Variants in MTX2 observed in about 807,000 individuals in gnomAD.
The protein encoded by MTX2 is metaxin-2.
In MTX2, 35 loss-of-function variants were observed where a neutral mutation model predicts 42.3. That is an observed-to-expected ratio of 0.83 (90% confidence interval 0.63 to 1.10). The LOEUF is 1.10. MTX2 is among the 50% of genes least tolerant of loss of function. The pLI is 0.00. For synonymous variants in MTX2, 119 were observed against 100.9 expected, an observed-to-expected ratio of 1.18 and a Z score of -1.08; for missense variants, 307 against 304.1, an observed-to-expected ratio of 1.01 and a Z score of -0.07.
In MTX2 at chr2:176,277,912, A is replaced by T. The variant is rs143487098; in HGVS notation, c.40+8243A>T. On this transcript the variant is annotated intron_variant, in intron 1 of 9. Coordinates refer to ENST00000249442, the MANE Select transcript of MTX2 (RefSeq NM_006554.5). ...CCTTGAAGATACGAAGCTGAGATTG[A>T]ATGGTGCAGATGGTAAAGCAAAATA... Among the ~76,000 whole-genome samples, 54 of 152,162 alleles carry T rather than the reference A, an allele frequency of 3.5e-4. 2 individuals are homozygous for T. In the East Asian group the frequency reaches 0.01, roughly 29 times the overall value.
intron 4 of MTX2, 52 bp downstream of exon 4, chr2:176,323,516 T>C (rs1338384060): frequency 4.7e-6 from 7 of 1,497,328 alleles, no homozygotes; most frequent in South Asian, 3.5e-5. Flanking sequence ...GATAAAATTA[T>C]AGTGATAGTC....
At chr2:176,296,962 A>G (rs1350368371) in intron 2 of MTX2, 55 bp downstream of exon 2, 1 of 1,505,540 alleles carries the variant, frequency 6.6e-7, no homozygotes, top group Non-Finnish European at 9.2e-7. Flanking sequence ...TTTATTACGG[A>G]AAAATCCTCA....
intron 9 of MTX2, among the ~76,000 whole-genome samples, chr2:176,336,505 A>G (rs886693399): frequency 2.6e-5 from 4 of 152,146 alleles, no homozygotes; most frequent in Non-Finnish European, 5.9e-5. Flanking sequence ...ATCTATTAAA[A>G]CACTTAATAA....
chr2:176,292,080 C>T (rs1473070428), intron 1 of MTX2, among the ~76,000 whole-genome samples: 1 of 152,174 alleles, frequency 6.6e-6, no homozygotes, highest in Non-Finnish European at 1.5e-5. Context: ...CAGTAACTTG[C>T]ACTTTGACAG....
intron 9 of MTX2, among the ~76,000 whole-genome samples, chr2:176,334,928 A>C (rs563191584): frequency 6.6e-6 from 1 of 151,968 alleles, no homozygotes; most frequent in African/African-American, 2.4e-5. Flanking sequence ...ACACAAATTT[A>C]TTGCACAATT....
rs757616315 is a variant in MTX2 at position 176,323,474 on chromosome 2, T to G, written c.208+10T>G. ...TATATGTCTCCATCTGGTAAGTGTGTTTTTTTTTCTTCTCTGTTAATATTA... is the reference window on the plus strand; with the variant it reads ...TATATGTCTCCATCTGGTAAGTGTGGTTTTTTTTCTTCTCTGTTAATATTA... On this transcript the variant is annotated intron_variant, in intron 4 of 9. Coordinates refer to ENST00000249442, the MANE Select transcript of MTX2 (RefSeq NM_006554.5). The G allele has an allele frequency of 1.9e-6, 3 of 1,593,754 alleles. No homozygotes were observed. The highest frequency in any genetic ancestry group is 1.1e-5 in the South Asian group (1 of 89,642).
chr2:176,290,431 C>T (rs1489142461), intron 1 of MTX2, among the ~76,000 whole-genome samples: 1 of 151,990 alleles, frequency 6.6e-6, no homozygotes, highest in East Asian at 1.9e-4. Flanking sequence ...GCAAAAACTT[C>T]AAATAAGTAG....
At chr2:176,279,902 G>A (rs1260434075) in intron 1 of MTX2, among the ~76,000 whole-genome samples, 2 of 152,128 alleles carry the variant, frequency 1.3e-5, no homozygotes, top group Non-Finnish European at 2.9e-5. Context: ...ATTACAGAGT[G>A]CAGATTATAG....
At chr2:176,312,676 C>A (rs2105429456) in intron 3 of MTX2, among the ~76,000 whole-genome samples, 1 of 151,734 alleles carries the variant, frequency 6.6e-6, no homozygotes. Context: ...CCAGCCTGTC[C>A]AACATGGTGA....
At position 176,311,834 on chromosome 2, in the gene MTX2, AT is replaced by A. The variant is rs1396427848; in HGVS notation, c.136-11557del. Among the ~76,000 whole-genome samples, 7 of 152,322 alleles carry A rather than the reference AT, an allele frequency of 4.6e-5. No individual in the cohort carries two copies. In the East Asian group the frequency reaches 7.7e-4, roughly 17 times the overall value. On this transcript the variant is annotated intron_variant, in intron 3 of 9. Transcript: ENST00000249442. ...GGCTTCCTTTGGCTAAGAAAGGGAT[AT>A]CCCCTGACCCCTTGCGCTTCCTGGG... is the stretch of plus-strand genomic sequence containing the variant.
chr2:176,305,512 A>C (rs570678529), intron 3 of MTX2, among the ~76,000 whole-genome samples: 1 of 152,126 alleles, frequency 6.6e-6, no homozygotes, highest in Non-Finnish European at 1.5e-5. Context: ...ACTTTATGAA[A>C]GTTGTAAACA....
At chr2:176,301,779 TTTACA>T (rs1684029271) in intron 3 of MTX2, among the ~76,000 whole-genome samples, 1 of 152,200 alleles carries the variant, frequency 6.6e-6, no homozygotes, top group African/African-American at 2.4e-5. Flanking sequence ...TGATTAATAG[TTTACA>T]TTAAGGAGTA....
chr2:176,323,288 TTGTAG>T, intron 3 of MTX2, 99 bp from the exon 4 acceptor site: 1 of 932,798 alleles, frequency 1.1e-6, no homozygotes, highest in Non-Finnish European at 1.7e-6. Context: ...TATTAGAGTT[TTGTAG>T]TATGAAACTA....
In MTX2 at chr2:176,329,406, G is replaced by A. The variant is rs755589338; in HGVS notation, c.523G>A (p.Gly175Arg). Residue 175 changes from glycine (G) to arginine (R), a missense_variant, in exon 8 of 10, where the codon GGA becomes AGA. Transcript: ENST00000249442. ...VKRKMKAIGW[G>R]KKTLDQVLED... ...ACGTAAGATGAAAGCTATTGGATGGGGAAAGAAGACTCTGGACCAGGTCAG... is the reference window on the plus strand; with the variant it reads ...ACGTAAGATGAAAGCTATTGGATGGAGAAAGAAGACTCTGGACCAGGTCAG... The A allele has an allele frequency of 1.2e-6, 2 of 1,606,632 alleles. No homozygotes were observed. Among genetic ancestry groups the A allele is most frequent in the Admixed American group, 3.4e-5 (2 of 59,592 alleles).
At position 176,269,674 on chromosome 2, in the gene MTX2, C is replaced by A. The variant is rs138864791; in HGVS notation, c.40+5C>A. 5.7e-6 allele frequency: 9 copies of A among 1,592,090 alleles called. No homozygotes were observed. In the African/African-American group the frequency reaches 9.4e-5, roughly 17 times the overall value. ...CCTTCGTCTCCCAGATTGCAGGTAG[C>A]GCGGCTGGCCGCAGACCCAGAAGGT... On this transcript the variant is annotated splice_donor_5th_base_variant and intron_variant, in intron 1 of 9. Transcript: ENST00000249442.
chr2:176,298,393 A>T (rs939730410), intron 3 of MTX2, among the ~76,000 whole-genome samples: 1 of 152,088 alleles, frequency 6.6e-6, no homozygotes. Context: ...TATTGATTAC[A>T]TGAGTGTTTA....
intron 3 of MTX2, among the ~76,000 whole-genome samples, chr2:176,306,339 C>T (rs934795885): frequency 6.6e-6 from 1 of 152,304 alleles, no homozygotes; most frequent in Non-Finnish European, 1.5e-5. Context: ...GGTTCCAAGT[C>T]TTTACTATTG....
intron 3 of MTX2, among the ~76,000 whole-genome samples, chr2:176,300,849 T>C (rs1347140985): frequency 1.3e-5 from 2 of 152,146 alleles, no homozygotes; most frequent in South Asian, 2.1e-4. Context: ...TGTTAACATA[T>C]GTAAAGCACT....
chr2:176,298,002 T>C (rs1307402718), intron 3 of MTX2, 107 bp downstream of exon 3: 3 of 674,424 alleles, frequency 4.4e-6, no homozygotes, highest in South Asian at 4.2e-5. Flanking sequence ...ACTATATGTT[T>C]AGATTTTTTT....
Sources: allele counts gnomAD v4.1 joint callset (sites outside exome capture counted in the v4.1 genomes callset), GRCh38; gene constraint gnomAD v4.1.1; transcripts MANE v1.5; gene names NCBI Gene and HGNC (gene_info 2026-07-23, HGNC 2026-07-21).